The following MEMO1 variants were observed in gnomAD, a reference collection of about 807,000 sequenced individuals.
MEMO1 encodes mediator of cell motility 1.
In MEMO1, 6 loss-of-function variants were observed where a neutral mutation model predicts 45.2. That is an observed-to-expected ratio of 0.13 (90% CI 0.07 to 0.26). The LOEUF (loss-of-function observed/expected upper bound fraction) is 0.26. MEMO1 is among the 10% of genes least tolerant of loss of function. The pLI, the probability that MEMO1 is intolerant of heterozygous loss-of-function variation, is 1.00. For synonymous variants in MEMO1, 78 were observed against 124.3 expected, an observed-to-expected ratio of 0.63 and a Z score of 2.48; for missense variants, 184 against 370.5, an observed-to-expected ratio of 0.50 and a Z score of 4.13.
At chr2:31,976,549 G>A (rs1172200717) in intron 2 of MEMO1, among the ~76,000 whole-genome samples, 1 of 151,790 alleles carries the variant, frequency 6.6e-6, no homozygotes, top group African/African-American at 2.4e-5. Flanking sequence ...CTGGACTCCA[G>A]TCTGGGTGAC....
intron 7 of MEMO1, among the ~76,000 whole-genome samples, 192 bp downstream of exon 7, chr2:31,891,800 A>G (rs562127804): frequency 1.3e-5 from 2 of 152,312 alleles, no homozygotes; most frequent in South Asian, 4.1e-4. Context: ...AAATGTACCC[A>G]TAATCCACTA....
At chr2:31,918,311 A>G (rs1459754743) in intron 5 of MEMO1, among the ~76,000 whole-genome samples, 1 of 152,196 alleles carries the variant, frequency 6.6e-6, no homozygotes, top group Admixed American at 6.5e-5. Flanking sequence ...TATATGTTAC[A>G]TAGTTATATA....
intron 2 of MEMO1, 36 bp downstream of exon 2, chr2:32,010,151 G>C: frequency 8.3e-7 from 1 of 1,203,258 alleles, no homozygotes; most frequent in Non-Finnish European, 1.1e-6. Flanking sequence ...GCCAGGCGGC[G>C]ACGGCGGCGG....
At chr2:31,872,016 A>AACACACACACAC (rs55682785) in intron 8 of MEMO1, among the ~76,000 whole-genome samples, 20,308 of 143,134 alleles carry the variant, frequency 0.14, 1,536 homozygotes, top group Middle Eastern at 0.19. Context: ...TCTGTCTCAA[A>AACACACACACAC]ACACACACAC....
At chr2:31,920,072 G>A (rs1682062573) in intron 5 of MEMO1, among the ~76,000 whole-genome samples, 1 of 151,850 alleles carries the variant, frequency 6.6e-6, no homozygotes, top group African/African-American at 2.4e-5. Flanking sequence ...GGTTCAGGAT[G>A]AGCGAGAAAT....
At chr2:31,928,793 T>C (rs144505643) in intron 4 of MEMO1, among the ~76,000 whole-genome samples, 178 of 152,276 alleles carry the variant, frequency 1.2e-3, no homozygotes, top group Admixed American at 2.4e-3. Context: ...ATATAGTACA[T>C]TCTCTTTTTT....
chr2:31,931,374 C>T (rs538952680), intron 4 of MEMO1, among the ~76,000 whole-genome samples: 2 of 152,224 alleles, frequency 1.3e-5, no homozygotes, highest in South Asian at 4.1e-4. Flanking sequence ...CTAAGATGAT[C>T]GCTTTACCTA....
At chr2:31,871,502 C>T (rs977740127) in intron 8 of MEMO1, among the ~76,000 whole-genome samples, 57 of 130,562 alleles carry the variant, frequency 4.4e-4, no homozygotes, top group East Asian at 1.1e-3. Flanking sequence ...CATATATACA[C>T]ACACACACAC....
At chr2:31,890,757 C>A (rs139259614) in intron 7 of MEMO1, among the ~76,000 whole-genome samples, 7 of 152,204 alleles carry the variant, frequency 4.6e-5, no homozygotes, top group African/African-American at 1.7e-4. Context: ...CCATCCTGTG[C>A]CACTGCAGGA....
intron 2 of MEMO1, among the ~76,000 whole-genome samples, chr2:32,006,351 C>T (rs1447763504): frequency 6.6e-6 from 1 of 152,122 alleles, no homozygotes; most frequent in Non-Finnish European, 1.5e-5. Context: ...GGGATGAAAG[C>T]GGTAGCAAAT....
intron 2 of MEMO1, among the ~76,000 whole-genome samples, chr2:31,973,721 G>A (rs971005033): frequency 1.3e-5 from 2 of 152,166 alleles, no homozygotes; most frequent in Non-Finnish European, 2.9e-5. Context: ...GACACAAGAA[G>A]TCACATACAA....
intron 6 of MEMO1, among the ~76,000 whole-genome samples, chr2:31,897,223 T>C (rs933694117): frequency 3.4e-4 from 52 of 151,936 alleles, no homozygotes; most frequent in African/African-American, 1.2e-3. Flanking sequence ...TTCTTTCTCT[T>C]GCCTTATTGC....
At chr2:31,937,897 T>C (rs1008134513) in intron 3 of MEMO1, among the ~76,000 whole-genome samples, 5 of 152,226 alleles carry the variant, frequency 3.3e-5, no homozygotes, top group African/African-American at 1.2e-4. Context: ...TAGGGGTTGC[T>C]GACATATTTC....
chr2:31,907,525 T>C (rs1385526683), intron 6 of MEMO1, among the ~76,000 whole-genome samples: 2 of 152,124 alleles, frequency 1.3e-5, no homozygotes, highest in Non-Finnish European at 2.9e-5. Context: ...CCGGGCACAG[T>C]GGCTCACACC....
At chr2:31,874,112 T>A (rs1340302965) in intron 8 of MEMO1, among the ~76,000 whole-genome samples, 1 of 152,158 alleles carries the variant, frequency 6.6e-6, no homozygotes, top group Non-Finnish European at 1.5e-5. Context: ...TACAATGACA[T>A]TTTCAGATTA....
intron 3 of MEMO1, among the ~76,000 whole-genome samples, chr2:31,932,597 A>T (rs1664320593): frequency 6.6e-6 from 1 of 151,902 alleles, no homozygotes; most frequent in Non-Finnish European, 1.5e-5. Context: ...TGCCACCATT[A>T]TCTGGCTCAT....
At chr2:31,879,711 ATAC>A (rs1333495666) in intron 8 of MEMO1, among the ~76,000 whole-genome samples, 9 of 152,196 alleles carry the variant, frequency 5.9e-5, no homozygotes, top group South Asian at 2.1e-4. Flanking sequence ...TGTTCTTTTC[ATAC>A]TACATGTTCA....
chr2:31,914,540 T>C (rs1010651952), intron 6 of MEMO1, among the ~76,000 whole-genome samples: 1 of 152,150 alleles, frequency 6.6e-6, no homozygotes, highest in African/African-American at 2.4e-5. Context: ...GTGATTAATA[T>C]CCCATTCTCC....
chr2:31,951,511 T>C (rs1453541557), intron 2 of MEMO1, among the ~76,000 whole-genome samples: 1 of 149,636 alleles, frequency 6.7e-6, no homozygotes, highest in Non-Finnish European at 1.5e-5. Context: ...AAAATCTCAC[T>C]TAATGGTTTT....
Sources: gnomAD v4.1 joint callset for allele counts (sites outside exome capture counted in the v4.1 genomes callset) on GRCh38, gnomAD v4.1.1 for gene constraint, MANE v1.5 for transcripts, NCBI Gene and HGNC (gene_info 2026-07-23, HGNC 2026-07-21) for gene names.